Variants in SMC4 observed in about 807,000 individuals in gnomAD.
The protein encoded by SMC4 is structural maintenance of chromosomes protein 4.
Under a neutral mutation model 145.6 loss-of-function variants are expected in SMC4, and 87 were observed. The observed-to-expected ratio is 0.60, with a 90% confidence interval of 0.50 to 0.71. SMC4 has a LOEUF of 0.71. Among genes scored for constraint, SMC4 ranks in the 30% least tolerant of loss-of-function variants. The pLI is 0.00. For synonymous variants in SMC4, 558 were observed against 500.7 expected (o/e 1.11, Z -1.53); for missense variants, 1,447 against 1,537.1 (o/e 0.94, Z 0.98).
rs1175441549 is a variant in SMC4, at chr3:160,431,109, T to C, written c.3018T>C (p.Ala1006=). ...AAGTTATTCAAGAAAATGAACATGC[T>C]CTTCAAAAAGATGCACTTAGTATTA... ...ELKVIQENEH[A]LQKDALSIKL... is the part of the protein sequence containing the mutation. Residue 1006 remains alanine, a synonymous_variant, in exon 20 of 24, where the codon GCT becomes GCC. Transcript: ENST00000357388. 6.2e-7 allele frequency: 1 copy of C among 1,608,108 alleles called. No homozygotes were observed. The highest frequency in any genetic ancestry group is 8.5e-7 in the Non-Finnish European group (1 of 1,178,324).
chr3:160,419,108 T>C (rs975146306), intron 11 of SMC4, among the ~76,000 whole-genome samples: 5 of 152,206 alleles, frequency 3.3e-5, no homozygotes, highest in Non-Finnish European at 7.4e-5. Flanking sequence ...ATGAACTGTT[T>C]GCTCCTGAAA....
At position 160,415,434 on chromosome 3, in the gene SMC4, T is replaced by A. The variant is rs542637967; in HGVS notation, c.1273-817T>A. ...GTTCATGTTCATAGCTCTGTCATATTTAAACAGATATGATACCTTAACCCC... is the reference window on the plus strand; with the variant it reads ...GTTCATGTTCATAGCTCTGTCATATATAAACAGATATGATACCTTAACCCC... On this transcript the variant is annotated intron_variant, in intron 9 of 23. Transcript: ENST00000357388. 1.1e-4 allele frequency among the ~76,000 whole-genome samples: 17 copies of A among 152,332 alleles called. No homozygotes were observed. The South Asian group carries it at 3.3e-3, about 30-fold the overall frequency.
At chr3:160,413,771 A>G (rs1716281849) in intron 8 of SMC4, 158 bp downstream of exon 8, 1 of 466,318 alleles carries the variant, frequency 2.1e-6, no homozygotes, top group Non-Finnish European at 3.7e-6. Flanking sequence ...CCTTGCATCC[A>G]GTTCCTTGTT....
At chr3:160,404,605 T>G (rs948290936) in intron 5 of SMC4, 101 bp downstream of exon 5, 1 of 1,013,768 alleles carries the variant, frequency 9.9e-7, no homozygotes, top group Non-Finnish European at 1.6e-6. Flanking sequence ...CTTAAAGTAC[T>G]GTAGCAGCAC....
chr3:160,433,205 T>C lies in SMC4; in HGVS notation c.3710T>C (p.Ile1237Thr), dbSNP rs142059814. The C allele has an allele frequency of 5.6e-6, 9 of 1,601,590 alleles. No homozygotes were observed. In the African/African-American group the frequency reaches 9.4e-5, roughly 17 times the overall value. Residue 1237 changes from isoleucine to threonine, a missense_variant, in exon 23 of 24, where the codon ATA (isoleucine) becomes ACA (threonine). Ile to Thr is a moderately conservative substitution (Grantham distance 89). Coordinates refer to ENST00000357388, the MANE Select transcript of SMC4 (RefSeq NM_001002800.3). ...FKNVSIVAFY[I>T]YEQTKNAQFI... ...AATGTGTCCATTGTTGCATTTTATA[T>C]ATATGTAAGTAATCATTTTGGGATT...
chr3:160,412,017 G>A lies in SMC4; in HGVS notation c.785G>A (p.Arg262Gln), dbSNP rs372415196. Residue 262 changes from arginine to glutamine, a missense_variant, in exon 6 of 24, where the codon CGG becomes CAG. Coordinates refer to ENST00000357388, the MANE Select transcript of SMC4 (RefSeq NM_001002800.3). ...EYLEDIIGCGRLNEPIKVLCR... is the reference protein window; with the variant it reads ...EYLEDIIGCGQLNEPIKVLCR... ...TTAGAAGATATAATTGGTTGTGGAC[G>A]GCTAAATGAACCTATTAAAGTCTTG... is the stretch of plus-strand genomic sequence containing the variant. 5.6e-6 allele frequency: 9 copies of A among 1,613,446 alleles called. No individual in the cohort carries two copies. Among genetic ancestry groups the A allele is most frequent in the Non-Finnish European group, 7.6e-6 (9 of 1,179,766 alleles).
intron 17 of SMC4, among the ~76,000 whole-genome samples, chr3:160,426,953 CAA>C (rs1717856704): frequency 6.6e-6 from 1 of 152,172 alleles, no homozygotes; most frequent in Non-Finnish European, 1.5e-5. Context: ...CCAAGGAAGA[CAA>C]ATACTGATTA....
intron 5 of SMC4, among the ~76,000 whole-genome samples, chr3:160,411,218 A>G (rs931865910): frequency 1.3e-5 from 2 of 152,348 alleles, no homozygotes; most frequent in African/African-American, 4.8e-5. Context: ...TTACAAACTG[A>G]AAGTTTTCTG....
intron 11 of SMC4, 92 bp from the exon 12 acceptor site, chr3:160,419,266 A>C (rs62272238): frequency 0.017 from 13,362 of 793,416 alleles, 160 homozygotes; most frequent in Middle Eastern, 0.029. Flanking sequence ...TTCTTTCTTT[A>C]TTGTTATTAA....
At chr3:160,423,863 C>G in intron 15 of SMC4, 23 bp downstream of exon 15, 1 of 1,566,850 alleles carries the variant, frequency 6.4e-7, no homozygotes, top group Non-Finnish European at 8.7e-7. Context: ...AAAATTGTAT[C>G]CAGACTTTTT....
intron 2 of SMC4, among the ~76,000 whole-genome samples, chr3:160,401,525 G>T (rs1013172917): frequency 2.0e-5 from 3 of 152,132 alleles, no homozygotes; most frequent in African/African-American, 4.8e-5. Flanking sequence ...CAGGTGCTCA[G>T]CGGTACGGAG....
chr3:160,401,843 C>G (rs58654032), intron 2 of SMC4, 72 bp from the exon 3 acceptor site: 58,625 of 1,181,910 alleles, frequency 0.05, 1,782 homozygotes, highest in Middle Eastern at 0.079. Flanking sequence ...ATTAGTTCTC[C>G]GAACTAATTG....
intron 10 of SMC4, among the ~76,000 whole-genome samples, chr3:160,417,190 C>T (rs999739266): frequency 6.6e-6 from 1 of 152,106 alleles, no homozygotes; most frequent in African/African-American, 2.4e-5. Flanking sequence ...TTTGGCATAT[C>T]AACATGTTCT....
chr3:160,414,471 G>A lies in SMC4; in HGVS notation c.1226G>A (p.Ser409Asn), dbSNP rs1716379807. The A allele has an allele frequency of 6.2e-7, 1 of 1,611,350 alleles. No individual in the cohort carries two copies. The highest frequency in any genetic ancestry group is 1.1e-5 in the South Asian group (1 of 90,390). Residue 409 changes from serine to asparagine, a missense_variant, in exon 9 of 24, where the codon AGT becomes AAT. Ser to Asn is a conservative substitution (Grantham distance 46). Coordinates refer to ENST00000357388, the MANE Select transcript of SMC4 (RefSeq NM_001002800.3). ...AGAGAAAAGTTAAAACATGCCACGA[G>A]TAAAGCCAAAAAACTGGAGAAACAA... ...QVREKLKHAT[S>N]KAKKLEKQLQ...
chr3:160,433,620 ATTAC>A (rs765283606), intron 23 of SMC4, 33 bp from the exon 24 acceptor site: 18 of 1,316,460 alleles, frequency 1.4e-5, no homozygotes, highest in South Asian at 8.7e-5. Flanking sequence ...TTTACCTGTT[ATTAC>A]TTAATGTTTG....
At chr3:160,428,322 CTTTGT>C (rs1718020337) in intron 17 of SMC4, among the ~76,000 whole-genome samples, 4 of 152,234 alleles carry the variant, frequency 2.6e-5, no homozygotes, top group Admixed American at 2.6e-4. Context: ...ATATCCTCCA[CTTTGT>C]TTTAATGTGG....
At chr3:160,418,350 TTTGC>T (rs1484544996) in intron 11 of SMC4, among the ~76,000 whole-genome samples, 43 of 152,326 alleles carry the variant, frequency 2.8e-4, no homozygotes, top group African/African-American at 9.4e-4. Context: ...ATGTAGTTTC[TTTGC>T]TTGCATTCCA....
At chr3:160,400,175 A>G (rs1714370861) in intron 1 of SMC4, 1 of 152,328 alleles carries the variant, frequency 6.6e-6, no homozygotes, top group Admixed American at 6.5e-5. Flanking sequence ...CCACTCCAAA[A>G]TTAGCAAGCG....
intron 8 of SMC4, 85 bp from the exon 9 acceptor site, chr3:160,414,282 T>C (rs1262225611): frequency 2.7e-6 from 3 of 1,092,852 alleles, no homozygotes; most frequent in South Asian, 1.3e-5. Flanking sequence ...GACATATTTA[T>C]AGAGGAAGTG....
Sources: allele counts gnomAD v4.1 joint callset (sites outside exome capture counted in the v4.1 genomes callset), GRCh38; gene constraint gnomAD v4.1.1; transcripts MANE v1.5; gene names NCBI Gene and HGNC (gene_info 2026-07-23, HGNC 2026-07-21).